Variants in MCTP1 observed in about 807,000 individuals in gnomAD.
The protein encoded by MCTP1 is multiple C2 and transmembrane domain-containing protein 1.
Under a neutral mutation model 120.6 loss-of-function variants are expected in MCTP1, and 69 were observed. The observed-to-expected ratio is 0.57, with a 90% CI of 0.47 to 0.70. The LOEUF is 0.70. Ranked by LOEUF, MCTP1 falls within the 30% of genes least tolerant of loss-of-function variation. The pLI, the probability that MCTP1 is intolerant of heterozygous loss-of-function variation, is 0.00. For missense variants in MCTP1, 1,203 were observed against 1,248.8 expected, an observed-to-expected ratio of 0.96 and a Z score of 0.55; for synonymous variants, 529 against 493.1, an observed-to-expected ratio of 1.07 and a Z score of -0.96.
chr5:94,929,601 A>G (rs1255538565), intron 6 of MCTP1: 1 of 897,152 alleles, frequency 1.1e-6, no homozygotes, highest in Non-Finnish European at 1.3e-6. Flanking sequence ...AGTAAAATCT[A>G]TAAAGCTACA....
At chr5:94,988,561 C>T (rs542297677) in intron 2 of MCTP1, among the ~76,000 whole-genome samples, 5 of 147,252 alleles carry the variant, frequency 3.4e-5, no homozygotes, top group East Asian at 3.9e-4. Flanking sequence ...AGTAGGTTTT[C>T]GAAAACAACT....
chr5:94,714,733 C>T (rs371958466), intron 20 of MCTP1, 44 bp downstream of exon 20: 7 of 1,160,190 alleles, frequency 6.0e-6, no homozygotes, highest in Non-Finnish European at 9.1e-6. Context: ...AAATGGACAC[C>T]TTATCCCACA....
chr5:94,842,424 T>A (rs159600), intron 17 of MCTP1, among the ~76,000 whole-genome samples: 135,799 of 152,230 alleles, frequency 0.89, 60,716 homozygotes, highest in East Asian at 0.98. Flanking sequence ...CAAGCTCTTC[T>A]TTAAATGCTA....
chr5:94,889,045 T>A, intron 11 of MCTP1, 73 bp from the exon 12 acceptor site: 1 of 984,710 alleles, frequency 1.0e-6, no homozygotes. Context: ...GAGAAAACAT[T>A]ACATTTTTTA....
chr5:94,751,231 C>T (rs964221382), intron 19 of MCTP1, among the ~76,000 whole-genome samples: 1 of 151,922 alleles, frequency 6.6e-6, no homozygotes, highest in South Asian at 2.1e-4. Context: ...AAAAATGATG[C>T]TATGAGTTAG....
intron 17 of MCTP1, among the ~76,000 whole-genome samples, chr5:94,854,210 A>G (rs1224874658): frequency 6.6e-6 from 1 of 151,904 alleles, no homozygotes; most frequent in Non-Finnish European, 1.5e-5. Context: ...GGAGAGCCCC[A>G]GGGCCTAGTT....
At chr5:95,115,524 A>G (rs1008837983) in intron 1 of MCTP1, among the ~76,000 whole-genome samples, 1 of 152,050 alleles carries the variant, frequency 6.6e-6, no homozygotes, top group African/African-American at 2.4e-5. Flanking sequence ...TAATAGCAGA[A>G]TTGATCAAGC....
intron 17 of MCTP1, among the ~76,000 whole-genome samples, chr5:94,866,813 C>T (rs187879607): frequency 7.9e-5 from 12 of 151,364 alleles, no homozygotes; most frequent in Admixed American, 1.3e-4. Flanking sequence ...TCATTTTACG[C>T]GAGTGACCTC....
At chr5:94,938,002 T>C (rs1816631538) in intron 5 of MCTP1, among the ~76,000 whole-genome samples, 1 of 152,028 alleles carries the variant, frequency 6.6e-6, no homozygotes, top group African/African-American at 2.4e-5. Flanking sequence ...CCAAGTCTTG[T>C]TGATTTTTAC....
intron 16 of MCTP1, among the ~76,000 whole-genome samples, 168 bp from the exon 17 acceptor site, chr5:94,868,620 A>G (rs1797260907): frequency 6.6e-6 from 1 of 152,036 alleles, no homozygotes; most frequent in Non-Finnish European, 1.5e-5. Context: ...TATTTCTGAG[A>G]AAGTGGAAAG....
At chr5:94,870,998 G>A (rs1264080793) in intron 14 of MCTP1, 25 bp from the exon 15 acceptor site, 25 of 1,580,686 alleles carry the variant, frequency 1.6e-5, no homozygotes, top group Middle Eastern at 3.3e-4. Context: ...CATGACAGCC[G>A]TCTGTCTCGC....
intron 7 of MCTP1, among the ~76,000 whole-genome samples, chr5:94,921,637 G>T (rs1811690262): frequency 2.6e-5 from 4 of 152,154 alleles, no homozygotes; most frequent in Admixed American, 2.6e-4. Context: ...CTTGGGTAAA[G>T]AGCAGTGAGG....
intron 1 of MCTP1, chr5:95,068,916 G>T (rs1474868192): frequency 3.3e-6 from 2 of 603,554 alleles, no homozygotes; most frequent in Non-Finnish European, 4.7e-6. Flanking sequence ...AGCTAAAAGC[G>T]AATTAGGCTT....
chr5:94,841,631 T>C (rs1387988867), intron 17 of MCTP1, among the ~76,000 whole-genome samples: 1 of 152,186 alleles, frequency 6.6e-6, no homozygotes, highest in East Asian at 1.9e-4. Context: ...AATGTGCTTA[T>C]ATATACATAT....
At chr5:95,015,938 T>C (rs1837024059) in intron 2 of MCTP1, among the ~76,000 whole-genome samples, 1 of 152,144 alleles carries the variant, frequency 6.6e-6, no homozygotes, top group Non-Finnish European at 1.5e-5. Flanking sequence ...GATTGAATGA[T>C]ATAACTGAGA....
chr5:95,242,525 T>C (rs972900016), intron 1 of MCTP1, among the ~76,000 whole-genome samples: 2 of 152,138 alleles, frequency 1.3e-5, no homozygotes, highest in African/African-American at 2.4e-5. Flanking sequence ...CATAAACAAA[T>C]TGAAGTATAT....
At chr5:94,813,727 A>G (rs1783909155) in intron 17 of MCTP1, among the ~76,000 whole-genome samples, 1 of 152,096 alleles carries the variant, frequency 6.6e-6, no homozygotes, top group African/African-American at 2.4e-5. Flanking sequence ...CTCTACAACA[A>G]AATTTTAAAA....
intron 12 of MCTP1, among the ~76,000 whole-genome samples, chr5:94,876,281 C>A (rs1376341599): frequency 6.6e-6 from 1 of 152,102 alleles, no homozygotes; most frequent in African/African-American, 2.4e-5. Context: ...TTAATTATTC[C>A]TTCCTTTCAT....
chr5:95,201,470 T>TG (rs1751027990), intron 1 of MCTP1, among the ~76,000 whole-genome samples: 1 of 3,730 alleles, frequency 2.7e-4, no homozygotes, highest in African/African-American at 1.1e-3. Context: ...AGTGGTTTTT[T>TG]TTTTTTTTTT....
Sources: allele counts gnomAD v4.1 joint callset (sites outside exome capture counted in the v4.1 genomes callset), GRCh38; gene constraint gnomAD v4.1.1; transcripts MANE v1.5; gene names NCBI Gene and HGNC (gene_info 2026-07-23, HGNC 2026-07-21).